Variants in ARL6IP6 observed in about 807,000 individuals in gnomAD.
ARL6IP6 encodes ADP-ribosylation factor-like protein 6-interacting protein 6.
ARL6IP6 carries 22 observed loss-of-function variants against 21.5 expected under a neutral mutation model. The observed-to-expected ratio is 1.02, with a 90% CI of 0.73 to 1.46. The LOEUF (loss-of-function observed/expected upper bound fraction) is 1.46, where lower values mean the gene tolerates loss of function less well. Among genes scored for constraint, ARL6IP6 ranks in the 40% most tolerant of loss-of-function variants. ARL6IP6 has a pLI of 0.00. For missense variants in ARL6IP6, 388 were observed against 299.8 expected (o/e 1.29, Z -2.17); for synonymous variants, 164 against 125.3 (o/e 1.31, Z -2.06).
In ARL6IP6 at chr2:152,760,028, G is replaced by T; in HGVS notation, c.*188G>T. ...TTGTTTTAGAATGTCTGAGTATTAA[G>T]ATACAGATTAATTGGGAATATCTGA... On this transcript the variant is annotated 3_prime_UTR_variant, in exon 4 of 4. Coordinates refer to ENST00000326446, the MANE Select transcript of ARL6IP6 (RefSeq NM_152522.7). The T allele has an allele frequency of 2.0e-6, 1 of 510,588 alleles. No homozygotes were observed. The highest frequency in any genetic ancestry group is 3.5e-6 in the Non-Finnish European group (1 of 286,876). The allele number at this position is 510,588 out of a possible 1,614,324, so 31.6% of individuals were successfully genotyped here. A position where few individuals can be genotyped will look rare whatever the true frequency, so the allele number is the denominator to read the frequency against.
In ARL6IP6 at chr2:152,760,613, A is replaced by G. The variant is rs1180369821; in HGVS notation, c.*773A>G. On this transcript the variant is annotated 3_prime_UTR_variant, in exon 4 of 4. Coordinates refer to ENST00000326446, the MANE Select transcript of ARL6IP6 (RefSeq NM_152522.7). ...TTTTTAACAAAAAATGCCTGAAAAA[A>G]GCTAAATTATTTAAGTCATTAAGAT... 6.6e-6 allele frequency: 1 copy of G among 152,072 alleles called. No individual in the cohort carries two copies. Among genetic ancestry groups the G allele is most frequent in the Non-Finnish European group, 1.5e-5 (1 of 67,970 alleles). 9.4% of individuals were successfully genotyped at this position (152,072 alleles called of 1,614,324 possible). A position where few individuals can be genotyped will look rare whatever the true frequency, so the allele number is the denominator to read the frequency against.
Position 152,734,994 on chromosome 2 carries a change from G to T in ARL6IP6, c.455G>T (p.Gly152Val), listed in dbSNP as rs1197718682. Reference protein sequence around the residue: ...NEDDVDTGLLGFWTLLIISLT... With the variant: ...NEDDVDTGLLVFWTLLIISLT... ...TTTTCCCCTCTCTTTTCCTGTTAAG[G>T]ATTCTGGACTCTACTTATAATATCC... The change falls in exon 3 of 4, where the codon GGA (glycine) becomes GTA (valine). Residue 152 changes from glycine to valine, a missense_variant and splice_region_variant. Gly to Val is a moderately radical substitution (Grantham distance 109). Transcript: ENST00000326446. 6.2e-7 allele frequency: 1 copy of T among 1,611,908 alleles called. No homozygotes were observed. Among genetic ancestry groups the T allele is most frequent in the Admixed American group, 1.7e-5 (1 of 59,936 alleles).
intron 3 of ARL6IP6, among the ~76,000 whole-genome samples, chr2:152,744,717 C>G (rs1700969802): frequency 6.6e-6 from 1 of 152,104 alleles, no homozygotes; most frequent in Non-Finnish European, 1.5e-5. Context: ...TCCATTTCTT[C>G]TTCTTCCAAC....
intron 1 of ARL6IP6, chr2:152,719,761 A>C (rs868437918): frequency 1.5e-4 from 45 of 307,622 alleles, no homozygotes; most frequent in Middle Eastern, 2.4e-3. Flanking sequence ...AAAAAAAAAA[A>C]AAAAAAAAAA....
At chr2:152,726,027 T>C (rs1700030812) in intron 2 of ARL6IP6, among the ~76,000 whole-genome samples, 1 of 152,226 alleles carries the variant, frequency 6.6e-6, no homozygotes, top group African/African-American at 2.4e-5. Flanking sequence ...GAGGAGAATA[T>C]AAATTTAACA....
chr2:152,739,274 C>T (rs981616596), intron 3 of ARL6IP6, among the ~76,000 whole-genome samples: 31 of 152,222 alleles, frequency 2.0e-4, no homozygotes, highest in African/African-American at 7.0e-4. Context: ...CGTGAGCCAC[C>T]GCACCCAGCC....
intron 2 of ARL6IP6, among the ~76,000 whole-genome samples, chr2:152,725,277 C>G (rs1398119506): frequency 2.0e-5 from 3 of 152,108 alleles, no homozygotes; most frequent in South Asian, 2.1e-4. Context: ...TCTCCTATTT[C>G]ATTATTTTAG....
Position 152,718,924 on chromosome 2 carries a change from G to A in ARL6IP6, c.300G>A (p.Gln100=), listed in dbSNP as rs779936250. ...IFPAAAGSRA[Q]PRRWPVQVLS... Reference sequence around the variant, plus strand: ...CCGCGGCCGCGGGCAGCAGAGCCCAGCCTCGGCGGTGGCCGGTCCAGGTCC... The same window carrying A: ...CCGCGGCCGCGGGCAGCAGAGCCCAACCTCGGCGGTGGCCGGTCCAGGTCC... Residue 100 remains glutamine, a synonymous_variant, in exon 1 of 4, where the codon CAG becomes CAA. Transcript: ENST00000326446. 6.2e-7 allele frequency: 1 copy of A among 1,613,926 alleles called. No individual in the cohort carries two copies. Among genetic ancestry groups the A allele is most frequent in the South Asian group, 1.1e-5 (1 of 91,016 alleles).
chr2:152,731,143 T>C (rs143549554), intron 2 of ARL6IP6, among the ~76,000 whole-genome samples: 171 of 152,316 alleles, frequency 1.1e-3, no homozygotes, highest in African/African-American at 4.0e-3. Context: ...TCTGTAAATA[T>C]TGTGCAATGT....
intron 3 of ARL6IP6, among the ~76,000 whole-genome samples, chr2:152,739,699 C>G (rs1241873221): frequency 6.6e-6 from 1 of 152,174 alleles, no homozygotes; most frequent in African/African-American, 2.4e-5. Flanking sequence ...GCAACCCGCT[C>G]TACCGGTACC....
upstream of ARL6IP6, chr2:152,717,929 AG>A (rs763565365): frequency 9.7e-5 from 97 of 998,582 alleles, no homozygotes; most frequent in Non-Finnish European, 1.1e-4. Flanking sequence ...CTCGAGGCGG[AG>A]GGGAGGAGGC....
intron 3 of ARL6IP6, among the ~76,000 whole-genome samples, chr2:152,752,659 CTGGA>C (rs376468108): frequency 9.9e-5 from 15 of 152,270 alleles, no homozygotes; most frequent in African/African-American, 3.6e-4. Context: ...TGCCTCTCAT[CTGGA>C]TGAAGGATTT....
chr2:152,758,776 G>A, intron 3 of ARL6IP6, among the ~76,000 whole-genome samples: 1 of 152,210 alleles, frequency 6.6e-6, no homozygotes. Flanking sequence ...TCACTATGAG[G>A]TGCTCTTCAA....
rs1191107259 is a variant in ARL6IP6, at chr2:152,762,222, A to G, written c.*2382A>G. ...AAATTAAGATGTGACGAAGCTGGGA[A>G]AATGCAAGCCCAGGAAATGCTGGCA... is the stretch of plus-strand genomic sequence containing the variant. On this transcript the variant is annotated 3_prime_UTR_variant, in exon 4 of 4. Transcript: ENST00000326446. Among the ~76,000 whole-genome samples, 4 of 152,212 alleles carry G rather than the reference A, an allele frequency of 2.6e-5. No homozygotes were observed. Among genetic ancestry groups the G allele is most frequent in the Non-Finnish European group, 4.4e-5 (3 of 68,044 alleles).
intron 2 of ARL6IP6, among the ~76,000 whole-genome samples, chr2:152,729,634 A>G (rs763940682): frequency 6.6e-6 from 1 of 152,194 alleles, no homozygotes; most frequent in Non-Finnish European, 1.5e-5. Flanking sequence ...TCTCCAGAAT[A>G]TGTGAAAAAA....
At chr2:152,734,564 C>G (rs1289903740) in intron 2 of ARL6IP6, among the ~76,000 whole-genome samples, 1 of 152,160 alleles carries the variant, frequency 6.6e-6, no homozygotes, top group African/African-American at 2.4e-5. Context: ...AATCTAGGCA[C>G]ACTGCAACCT....
intron 2 of ARL6IP6, among the ~76,000 whole-genome samples, chr2:152,730,109 A>AT (rs1700238545): frequency 6.6e-6 from 1 of 152,220 alleles, no homozygotes; most frequent in Non-Finnish European, 1.5e-5. Flanking sequence ...CTTACCCATG[A>AT]TGCAGCTTCT....
intron 3 of ARL6IP6, among the ~76,000 whole-genome samples, chr2:152,755,233 C>T (rs1207222426): frequency 3.3e-5 from 5 of 152,122 alleles, no homozygotes; most frequent in Non-Finnish European, 2.9e-5. Flanking sequence ...CGTTGCCAAG[C>T]GGACCATGGT....
chr2:152,732,550 G>A (rs1574032260), intron 2 of ARL6IP6: 1 of 458,950 alleles, frequency 2.2e-6, no homozygotes, highest in East Asian at 7.1e-5. Flanking sequence ...GTATTAGCAG[G>A]AAATTTTCCC....
Sources: gnomAD v4.1 joint callset for allele counts (sites outside exome capture counted in the v4.1 genomes callset) on GRCh38, gnomAD v4.1.1 for gene constraint, MANE v1.5 for transcripts, NCBI Gene and HGNC (gene_info 2026-07-23, HGNC 2026-07-21) for gene names.